Variants in FMNL2 observed in about 807,000 individuals in gnomAD.
FMNL2 encodes formin like 2.
FMNL2 carries 51 observed loss-of-function variants against 130.2 expected under a neutral mutation model. The ratio of observed to expected loss-of-function variants is 0.39; its 90% CI spans 0.31 to 0.49. The LOEUF (loss-of-function observed/expected upper bound fraction) is 0.49. Among genes scored for constraint, FMNL2 ranks in the 20% least tolerant of loss-of-function variants. FMNL2 has a pLI of 0.85. For missense variants in FMNL2, 977 were observed against 1,316.2 expected, an observed-to-expected ratio of 0.74 and a Z score of 3.99; for synonymous variants, 465 against 467.1, an observed-to-expected ratio of 1.00 and a Z score of 0.06.
At chr2:152,552,763 A>T (rs1470223885) in intron 4 of FMNL2, among the ~76,000 whole-genome samples, 1 of 152,200 alleles carries the variant, frequency 6.6e-6, no homozygotes, top group African/African-American at 2.4e-5. Flanking sequence ...GTTAGAATAC[A>T]CTAGCCATGC....
intron 1 of FMNL2, among the ~76,000 whole-genome samples, chr2:152,490,569 ATGTGTGTGTGTGTGTGTGTGTG>A (rs58838989): frequency 1.8e-5 from 2 of 108,520 alleles, no homozygotes; most frequent in Admixed American, 1.0e-4. Flanking sequence ...TTGCTATCCA[ATGTGTGTGTGTGTGTGTGTGTG>A]TGTGTGTGTG....
rs1690466881 is a variant in FMNL2, at chr2:152,480,675, T to TC, written c.118-41267dup. The stretch of plus-strand genomic sequence containing the variant: ...AAAAAAAAAAAAGTGAAAATCAGCC[T>TC]CAAAACAAACAAACAAAACAAAAAA... On this transcript the variant is annotated intron_variant, in intron 1 of 25. Transcript: ENST00000288670. Among the ~76,000 whole-genome samples, 3 of 113,814 alleles carry TC rather than the reference T, an allele frequency of 2.6e-5. No homozygotes were observed. In the South Asian group the frequency reaches 9.3e-4, roughly 35 times the overall value. The allele number at this position is 113,814 out of a possible 152,430, so 74.7% of individuals were successfully genotyped here. A position where few individuals can be genotyped will look rare whatever the true frequency, so the allele number is the denominator to read the frequency against.
intron 4 of FMNL2, among the ~76,000 whole-genome samples, chr2:152,552,744 C>T (rs1179286620): frequency 6.6e-6 from 1 of 152,118 alleles, no homozygotes; most frequent in Non-Finnish European, 1.5e-5. Context: ...TTGAAATGAT[C>T]CACATAGTGT....
intron 1 of FMNL2, among the ~76,000 whole-genome samples, chr2:152,367,257 G>T (rs1187063604): frequency 6.6e-6 from 1 of 151,890 alleles, no homozygotes; most frequent in Non-Finnish European, 1.5e-5. Flanking sequence ...TGTATTTGTG[G>T]TAAAGATGGG....
chr2:152,366,279 G>T (rs1560302460), intron 1 of FMNL2, among the ~76,000 whole-genome samples: 2 of 125,614 alleles, frequency 1.6e-5, no homozygotes, highest in Non-Finnish European at 3.3e-5. Flanking sequence ...CACACACCGG[G>T]GACTGTTGTG....
At chr2:152,394,980 A>G (rs1685314754) in intron 1 of FMNL2, among the ~76,000 whole-genome samples, 1 of 152,218 alleles carries the variant, frequency 6.6e-6, no homozygotes, top group African/African-American at 2.4e-5. Flanking sequence ...AGTTGACTAT[A>G]AAGAATAGAT....
intron 15 of FMNL2, among the ~76,000 whole-genome samples, chr2:152,620,347 C>T (rs982145235): frequency 6.6e-6 from 1 of 152,106 alleles, no homozygotes; most frequent in Non-Finnish European, 1.5e-5. Context: ...TAGAAAACAG[C>T]ATCCTCACCT....
chr2:152,489,493 T>C (rs1691020971), intron 1 of FMNL2, among the ~76,000 whole-genome samples: 1 of 152,194 alleles, frequency 6.6e-6, no homozygotes, highest in Non-Finnish European at 1.5e-5. Context: ...TCAGGAAACG[T>C]TGTTGTTTGT....
At chr2:152,400,618 A>G (rs927297005) in intron 1 of FMNL2, among the ~76,000 whole-genome samples, 1 of 152,186 alleles carries the variant, frequency 6.6e-6, no homozygotes, top group African/African-American at 2.4e-5. Flanking sequence ...TTTCTTGTGC[A>G]GTTTGTTTCC....
intron 2 of FMNL2, among the ~76,000 whole-genome samples, chr2:152,522,738 T>C (rs1216091836): frequency 6.6e-6 from 1 of 152,186 alleles, no homozygotes; most frequent in African/African-American, 2.4e-5. Flanking sequence ...GAACTGTGAG[T>C]TCTCCATTAA....
rs76880320 is a variant in FMNL2, at chr2:152,419,966, C to G, written c.117+84246C>G. ...CAAAATCATCCAATTTATCATCCTT[C>G]CCTCAAGGCTGAGAGGTTTTTAAGT... is the stretch of plus-strand genomic sequence containing the variant. On this transcript the variant is annotated intron_variant, in intron 1 of 25. Coordinates refer to ENST00000288670, the MANE Select transcript of FMNL2 (RefSeq NM_052905.4). 8.5e-3 allele frequency among the ~76,000 whole-genome samples: 1,301 copies of G among 152,298 alleles called. 3 individuals are homozygous for G. Among genetic ancestry groups the G allele is most frequent in the Middle Eastern group, 0.014 (4 of 294 alleles).
At position 152,621,481 on chromosome 2, in the gene FMNL2, T is replaced by G. The variant is rs915667985; in HGVS notation, c.1837+1763T>G. 3.3e-5 allele frequency among the ~76,000 whole-genome samples: 5 copies of G among 152,300 alleles called. No individual in the cohort carries two copies. The South Asian group carries it at 1.0e-3, about 32-fold the overall frequency. ...TATTTTAAGGTGTAGAGCTCTGTGC[T>G]TGGCTGATAACCAACTGCTTTTAGG... On this transcript the variant is annotated intron_variant, in intron 15 of 25. Transcript: ENST00000288670.
At chr2:152,569,818 G>T (rs1443484690) in intron 6 of FMNL2, among the ~76,000 whole-genome samples, 2 of 151,824 alleles carry the variant, frequency 1.3e-5, no homozygotes, top group African/African-American at 4.8e-5. Flanking sequence ...AGACCAGCCT[G>T]GCCAACATGG....
chr2:152,445,665 A>G (rs567879339), intron 1 of FMNL2, among the ~76,000 whole-genome samples: 1 of 152,306 alleles, frequency 6.6e-6, no homozygotes, highest in South Asian at 2.1e-4. Flanking sequence ...TGTCCTCCCC[A>G]AAGTTTCTGA....
chr2:152,457,422 T>C (rs1250571481), intron 1 of FMNL2, among the ~76,000 whole-genome samples: 1 of 152,222 alleles, frequency 6.6e-6, no homozygotes, highest in Non-Finnish European at 1.5e-5. Context: ...TCTTTGAAGC[T>C]GATGTTAGAT....
At position 152,595,468 on chromosome 2, in the gene FMNL2, G is replaced by A. The variant is rs779345989; in HGVS notation, c.877-11871G>A. 2.2e-4 allele frequency among the ~76,000 whole-genome samples: 33 copies of A among 152,108 alleles called. 1 individual carries two copies. The highest frequency in any genetic ancestry group is 1.5e-3 in the South Asian group (7 of 4,802). ...CCTGAGTAGTTGGGACTACAGACAC[G>A]CCACCACGCCCAGCTAATTTTTGTA... On this transcript the variant is annotated intron_variant, in intron 9 of 25. Coordinates refer to ENST00000288670, the MANE Select transcript of FMNL2 (RefSeq NM_052905.4).
chr2:152,615,427 T>C (rs560273141), intron 12 of FMNL2, among the ~76,000 whole-genome samples: 15 of 152,336 alleles, frequency 9.8e-5, no homozygotes, highest in African/African-American at 3.1e-4. Context: ...GATGCATGTC[T>C]GAACATTCCT....
At chr2:152,576,639 T>C (rs1040628992) in intron 7 of FMNL2, among the ~76,000 whole-genome samples, 1 of 152,004 alleles carries the variant, frequency 6.6e-6, no homozygotes, top group Non-Finnish European at 1.5e-5. Context: ...CTAAGTACTG[T>C]AGAAAAAATA....
rs1374902321 is a variant in FMNL2 at position 152,629,556 on chromosome 2, T to A, written c.2401-100T>A. 4 of 1,068,170 alleles carry A rather than the reference T, an allele frequency of 3.7e-6. No individual in the cohort carries two copies. The South Asian group carries it at 5.7e-5, about 15-fold the overall frequency. 66.2% of individuals were successfully genotyped at this position (1,068,170 alleles called of 1,614,324 possible). ...CACCATGAAGCCTGTATGCTCTAAA[T>A]GCAGGCCTGTTTTCTTCTGTCTTAA... On this transcript the variant is annotated intron_variant, in intron 18 of 25. Coordinates refer to ENST00000288670, the MANE Select transcript of FMNL2 (RefSeq NM_052905.4).
Sources: gnomAD v4.1 joint callset for allele counts (sites outside exome capture counted in the v4.1 genomes callset) on GRCh38, gnomAD v4.1.1 for gene constraint, MANE v1.5 for transcripts, NCBI Gene and HGNC (gene_info 2026-07-23, HGNC 2026-07-21) for gene names.